Variants in ITPR1 observed in about 807,000 individuals in gnomAD.
ITPR1 encodes the protein inositol 1,4,5-trisphosphate receptor type 1.
ITPR1 carries 96 observed loss-of-function variants against 318.4 expected under a neutral mutation model. That is an observed-to-expected ratio of 0.30 (90% CI 0.26 to 0.36). ITPR1 has a LOEUF of 0.36. Ranked by LOEUF, ITPR1 falls within the 10% of genes least tolerant of loss-of-function variation. The pLI, the probability that ITPR1 is intolerant of heterozygous loss-of-function variation, is 1.00. For synonymous variants in ITPR1, 1,312 were observed against 1,289.9 expected (o/e 1.02, Z -0.37); for missense variants, 2,440 against 3,460.2 (o/e 0.71, Z 7.40).
intron 4 of ITPR1, among the ~76,000 whole-genome samples, chr3:4,621,739 C>A (rs2092642753): frequency 6.6e-6 from 1 of 152,224 alleles, no homozygotes; most frequent in East Asian, 1.9e-4. Flanking sequence ...TACTACCAGT[C>A]CTGCTTTTCT....
At chr3:4,681,913 T>G (rs2094310356) in intron 26 of ITPR1, among the ~76,000 whole-genome samples, 1 of 151,940 alleles carries the variant, frequency 6.6e-6, no homozygotes, top group South Asian at 2.1e-4. Context: ...ATGAACCCCT[T>G]TAAAAAAAAA....
intron 34 of ITPR1, among the ~76,000 whole-genome samples, chr3:4,699,224 G>A (rs2094604672): frequency 6.6e-6 from 1 of 152,034 alleles, no homozygotes; most frequent in African/African-American, 2.4e-5. Flanking sequence ...GGGCATGGTG[G>A]TGGGCACCTG....
intron 4 of ITPR1, among the ~76,000 whole-genome samples, chr3:4,579,429 T>C (rs1417244867): frequency 1.3e-5 from 2 of 152,176 alleles, no homozygotes. Flanking sequence ...AGCTTAAACA[T>C]TGAAAATAAT....
intron 55 of ITPR1, among the ~76,000 whole-genome samples, chr3:4,806,515 G>A (rs2106478702): frequency 6.6e-6 from 1 of 152,322 alleles, no homozygotes; most frequent in Non-Finnish European, 1.5e-5. Context: ...TTACTTCTCA[G>A]TAATGGAACA....
chr3:4,711,096 C>T (rs765514942), intron 38 of ITPR1, among the ~76,000 whole-genome samples: 1 of 151,196 alleles, frequency 6.6e-6, no homozygotes, highest in Non-Finnish European at 1.5e-5. Context: ...CCTGTAATCC[C>T]AGCTACTCTG....
At chr3:4,660,217 T>C (rs1406040464) in intron 13 of ITPR1, among the ~76,000 whole-genome samples, 5 of 152,234 alleles carry the variant, frequency 3.3e-5, no homozygotes, top group Non-Finnish European at 5.9e-5. Context: ...ACTTTTATAC[T>C]AAGGAGGTTG....
chr3:4,659,581 G>T (rs1250521262), intron 13 of ITPR1, among the ~76,000 whole-genome samples: 1 of 151,998 alleles, frequency 6.6e-6, no homozygotes, highest in African/African-American at 2.4e-5. Flanking sequence ...CAGCTACTTT[G>T]AAGGCTGAGG....
At chr3:4,513,843 T>G (rs986707018) in intron 2 of ITPR1, among the ~76,000 whole-genome samples, 3 of 152,180 alleles carry the variant, frequency 2.0e-5, no homozygotes, top group Admixed American at 2.0e-4. Context: ...CCCATTACTT[T>G]GGGAGGCTGA....
intron 55 of ITPR1, among the ~76,000 whole-genome samples, chr3:4,807,967 C>A (rs1293690118): frequency 6.6e-6 from 1 of 152,214 alleles, no homozygotes; most frequent in Non-Finnish European, 1.5e-5. Flanking sequence ...TGGTCAACGC[C>A]ACCTTGCCCC....
chr3:4,612,480 A>G (rs1481666084), intron 4 of ITPR1, among the ~76,000 whole-genome samples: 1 of 152,118 alleles, frequency 6.6e-6, no homozygotes, highest in Non-Finnish European at 1.5e-5. Flanking sequence ...TTTAACAATG[A>G]CCAACTCATG....
chr3:4,777,735 A>G (rs1177254693), intron 48 of ITPR1, among the ~76,000 whole-genome samples: 3 of 151,412 alleles, frequency 2.0e-5, no homozygotes, highest in Non-Finnish European at 1.5e-5. Context: ...ATTTTTCCCC[A>G]TTTGAGGGAA....
chr3:4,738,808 C>T lies in ITPR1; in HGVS notation c.5544+3454C>T, dbSNP rs1032638855. On this transcript the variant is annotated intron_variant, in intron 44 of 61. Coordinates refer to ENST00000649015, the MANE Select transcript of ITPR1 (RefSeq NM_001378452.1). The stretch of plus-strand genomic sequence containing the variant: ...AGATGAAATGCCATGATGGAGTTAC[C>T]GCAGTTCAGCCACGTGTGGAGCAGG... Among the ~76,000 whole-genome samples, 4 of 152,134 alleles carry T rather than the reference C, an allele frequency of 2.6e-5. No individual in the cohort carries two copies. In the South Asian group the frequency reaches 6.2e-4, roughly 24 times the overall value.
At chr3:4,610,536 G>A (rs947366559) in intron 4 of ITPR1, among the ~76,000 whole-genome samples, 7 of 152,040 alleles carry the variant, frequency 4.6e-5, no homozygotes, top group Admixed American at 2.0e-4. Context: ...TTTTGTAGAT[G>A]TGGCATATCC....
chr3:4,700,768 A>G (rs1034211384), intron 35 of ITPR1, among the ~76,000 whole-genome samples: 1 of 152,202 alleles, frequency 6.6e-6, no homozygotes, highest in African/African-American at 2.4e-5. Context: ...GGCAATTTAC[A>G]GAAGAAAAAG....
At chr3:4,812,411 G>T (rs1046546029) in intron 56 of ITPR1, among the ~76,000 whole-genome samples, 1 of 152,138 alleles carries the variant, frequency 6.6e-6, no homozygotes, top group African/African-American at 2.4e-5. Context: ...CAGACTGCTA[G>T]CAGTAGCTCT....
Position 4,779,621 on chromosome 3 carries a change from T to A in ITPR1, c.6363T>A (p.Leu2121=). 1.2e-6 allele frequency: 2 copies of A among 1,611,624 alleles called. No homozygotes were observed. The highest frequency in any genetic ancestry group is 1.7e-6 in the Non-Finnish European group (2 of 1,178,300). The change falls in exon 49 of 62, where the codon CTT becomes CTA. Residue 2121 remains leucine (L), a synonymous_variant. Coordinates refer to ENST00000649015, the MANE Select transcript of ITPR1 (RefSeq NM_001378452.1). This position sits in a 1 kb window ranked among gnomAD's most constrained non-coding sequence, Gnocchi z 4.0. ...RHDSENAERI[L]YNMRPKELVE... is the part of the protein sequence containing the mutation. Reference sequence around the variant, plus strand: ...ACAGTGAAAACGCAGAGAGGATACTTTATAACATGAGGCCCAAGGAACTGG... The same window carrying A: ...ACAGTGAAAACGCAGAGAGGATACTATATAACATGAGGCCCAAGGAACTGG...
intron 4 of ITPR1, among the ~76,000 whole-genome samples, chr3:4,536,095 T>C (rs1374778331): frequency 6.6e-6 from 1 of 152,210 alleles, no homozygotes; most frequent in African/African-American, 2.4e-5. Context: ...AGGTTTCTGG[T>C]CCTTCATTGA....
chr3:4,645,502 C>T (rs2093433237), intron 9 of ITPR1, 32 bp downstream of exon 9: 3 of 1,603,150 alleles, frequency 1.9e-6, no homozygotes, highest in South Asian at 2.2e-5. Flanking sequence ...CTGAGCATTA[C>T]TTGGCTCTTC....
intron 20 of ITPR1, among the ~76,000 whole-genome samples, chr3:4,672,409 A>C (rs535235863): frequency 6.6e-6 from 1 of 152,252 alleles, no homozygotes; most frequent in African/African-American, 2.4e-5. Context: ...ATGTCTTCAA[A>C]TCATGATTAT....
Sources: gnomAD v4.1 joint callset for allele counts (sites outside exome capture counted in the v4.1 genomes callset) on GRCh38, gnomAD v4.1.1 for gene constraint, Gnocchi (gnomAD v3.1) non-coding constraint, MANE v1.5 for transcripts, NCBI Gene and HGNC (gene_info 2026-07-23, HGNC 2026-07-21) for gene names.